MDGA2: variants seen among roughly 807,000 people sequenced by gnomAD.
The protein encoded by MDGA2 is MAM domain containing glycosylphosphatidylinositol anchor 2, also known as MAM domain-containing glycosylphosphatidylinositol anchor protein 2.
A neutral mutation model predicts 117.8 loss-of-function variants in MDGA2; 40 were observed. That is an observed-to-expected ratio of 0.34 (90% CI 0.26 to 0.44). The LOEUF is 0.44. Ranked by LOEUF, MDGA2 falls within the 20% of genes least tolerant of loss-of-function variation. The pLI is 1.00. For synonymous variants in MDGA2, 452 were observed against 439.0 expected, an observed-to-expected ratio of 1.03 and a Z score of -0.37; for missense variants, 1,123 against 1,250.6, an observed-to-expected ratio of 0.90 and a Z score of 1.54.
At chr14:47,357,206 T>C (rs1891014482) in intron 1 of MDGA2, among the ~76,000 whole-genome samples, 1 of 152,142 alleles carries the variant, frequency 6.6e-6, no homozygotes, top group Non-Finnish European at 1.5e-5. Context: ...ATCTGGATAA[T>C]AGTCCATAAC....
intron 3 of MDGA2, among the ~76,000 whole-genome samples, chr14:47,162,802 G>T (rs1019534518): frequency 6.6e-6 from 1 of 151,658 alleles, no homozygotes; most frequent in Admixed American, 6.6e-5. Flanking sequence ...AGCACTTCCT[G>T]TCCTAGGCCA....
intron 1 of MDGA2, among the ~76,000 whole-genome samples, chr14:47,396,844 G>A (rs572372434): frequency 5.9e-5 from 9 of 152,282 alleles, no homozygotes; most frequent in African/African-American, 1.9e-4. Flanking sequence ...AACAGATGCT[G>A]GAGGGGATGT....
At chr14:47,130,051 A>G (rs950973162) in intron 5 of MDGA2, among the ~76,000 whole-genome samples, 3 of 151,276 alleles carry the variant, frequency 2.0e-5, no homozygotes, top group Non-Finnish European at 3.0e-5. Flanking sequence ...TTGCCTGTTC[A>G]CTCTGATGGT....
At chr14:47,258,982 ATCT>A (rs1887709349) in intron 2 of MDGA2, among the ~76,000 whole-genome samples, 1 of 152,120 alleles carries the variant, frequency 6.6e-6, no homozygotes, top group Non-Finnish European at 1.5e-5. Context: ...TATTAGGTAT[ATCT>A]TCAATTATGT....
rs1328574803 is a variant in MDGA2 at position 47,675,364 on chromosome 14, C to T, written c.-568G>A. 7.6e-6 allele frequency among the ~76,000 whole-genome samples: 1 copy of T among 131,964 alleles called. No individual in the cohort carries two copies. Among genetic ancestry groups the T allele is most frequent in the African/African-American group, 2.9e-5 (1 of 34,814 alleles). The allele number at this position is 131,964 out of a possible 152,430, so 86.6% of individuals were successfully genotyped here. ...AGGAGGAGGAAGAGGAGGAGTGGGG[C>T]TAGGGGAACGGGGGTGGGGAAGAGG... is the stretch of plus-strand genomic sequence containing the variant. On this transcript the variant is annotated 5_prime_UTR_variant, in exon 1 of 17. Coordinates refer to ENST00000399232, the MANE Select transcript of MDGA2 (RefSeq NM_001113498.3).
intron 1 of MDGA2, among the ~76,000 whole-genome samples, chr14:47,657,466 C>T (rs1459952769): frequency 1.3e-5 from 2 of 152,156 alleles, no homozygotes; most frequent in Admixed American, 6.5e-5. Flanking sequence ...CTAGCTAATG[C>T]TGCTGCTAAA....
chr14:47,464,271 C>A (rs535615227), intron 1 of MDGA2, among the ~76,000 whole-genome samples: 2 of 152,150 alleles, frequency 1.3e-5, no homozygotes, highest in South Asian at 4.2e-4. Flanking sequence ...TAATCAAATT[C>A]TCTTTCTCAC....
intron 1 of MDGA2, among the ~76,000 whole-genome samples, chr14:47,498,202 A>G (rs563905397): frequency 6.6e-6 from 1 of 152,270 alleles, no homozygotes; most frequent in African/African-American, 2.4e-5. Context: ...TGTTAGTTAT[A>G]AATCTCTAAC....
chr14:47,498,669 T>A (rs1407870356), intron 1 of MDGA2, among the ~76,000 whole-genome samples: 1 of 152,094 alleles, frequency 6.6e-6, no homozygotes, highest in Non-Finnish European at 1.5e-5. Flanking sequence ...TAAATTGTTA[T>A]CGAATGCACT....
intron 2 of MDGA2, among the ~76,000 whole-genome samples, chr14:47,276,159 C>T (rs1395945661): frequency 2.0e-5 from 3 of 152,078 alleles, no homozygotes; most frequent in Admixed American, 2.0e-4. Flanking sequence ...TCCAGCTATT[C>T]ATCTCTTAAT....
chr14:47,315,063 A>T (rs1400476140), intron 1 of MDGA2, among the ~76,000 whole-genome samples: 1 of 152,050 alleles, frequency 6.6e-6, no homozygotes, highest in Non-Finnish European at 1.5e-5. Context: ...TGTATTTTTC[A>T]ATTTTTTTGT....
intron 1 of MDGA2, among the ~76,000 whole-genome samples, chr14:47,502,588 C>G (rs1022915979): frequency 2.0e-5 from 3 of 152,166 alleles, no homozygotes; most frequent in African/African-American, 7.2e-5. Context: ...AAATACTACA[C>G]AAAGAACTGA....
chr14:47,648,477 G>C (rs1219664692), intron 1 of MDGA2, among the ~76,000 whole-genome samples: 1 of 152,020 alleles, frequency 6.6e-6, no homozygotes, highest in Non-Finnish European at 1.5e-5. Flanking sequence ...CTAGAAAGTA[G>C]CCTGCTATAT....
At chr14:46,889,704 G>A (rs1882806238) in intron 10 of MDGA2, among the ~76,000 whole-genome samples, 1 of 151,946 alleles carries the variant, frequency 6.6e-6, no homozygotes, top group Non-Finnish European at 1.5e-5. Context: ...TGGGATTGGT[G>A]AATCCTGACA....
intron 10 of MDGA2, among the ~76,000 whole-genome samples, chr14:46,911,497 T>C (rs529566398): frequency 1.3e-5 from 2 of 152,314 alleles, no homozygotes; most frequent in African/African-American, 4.8e-5. Flanking sequence ...GGTATAAAAG[T>C]CATGTAAAGA....
At chr14:46,925,864 T>TA (rs1170651132) in intron 9 of MDGA2, among the ~76,000 whole-genome samples, 1 of 151,820 alleles carries the variant, frequency 6.6e-6, no homozygotes. Context: ...CATGAAGGGA[T>TA]AAAAAAAGAG....
At chr14:46,866,158 T>A (rs2138339502) in intron 14 of MDGA2, among the ~76,000 whole-genome samples, 1 of 152,168 alleles carries the variant, frequency 6.6e-6, no homozygotes, top group Admixed American at 6.5e-5. Context: ...AAGGCTACAG[T>A]AACCAAAACA....
At chr14:47,440,723 C>T (rs1003854163) in intron 1 of MDGA2, among the ~76,000 whole-genome samples, 29 of 152,020 alleles carry the variant, frequency 1.9e-4, no homozygotes, top group African/African-American at 6.5e-4. Context: ...AGGGAATTGT[C>T]AAAATATAAA....
intron 2 of MDGA2, among the ~76,000 whole-genome samples, chr14:47,278,169 C>T (rs974140670): frequency 3.3e-5 from 5 of 151,554 alleles, no homozygotes; most frequent in African/African-American, 1.2e-4. Context: ...TAAAAATAAA[C>T]GAATGAACAC....
Sources: gnomAD v4.1 joint callset for allele counts (sites outside exome capture counted in the v4.1 genomes callset) on GRCh38, gnomAD v4.1.1 for gene constraint, MANE v1.5 for transcripts, NCBI Gene and HGNC (gene_info 2026-07-23, HGNC 2026-07-21) for gene names.